The following AUTS2 variants were observed in gnomAD, a reference collection of about 807,000 sequenced individuals.
AUTS2 encodes the protein activator of transcription and developmental regulator AUTS2.
AUTS2 carries 17 observed loss-of-function variants against 112.4 expected under a neutral mutation model. That is an observed-to-expected ratio of 0.15 (90% CI 0.10 to 0.23). The LOEUF is 0.23. Among genes scored for constraint, AUTS2 ranks in the 10% least tolerant of loss-of-function variants. The probability of loss-of-function intolerance (pLI) is 1.00; values close to 1 mark genes in which losing one functional copy is unlikely to be tolerated. For synonymous variants in AUTS2, 751 were observed against 702.7 expected, an observed-to-expected ratio of 1.07 and a Z score of -1.09; for missense variants, 1,510 against 1,701.6, an observed-to-expected ratio of 0.89 and a Z score of 1.98.
chr7:70,765,416 C>T (rs976762776), intron 8 of AUTS2, among the ~76,000 whole-genome samples: 5 of 152,110 alleles, frequency 3.3e-5, no homozygotes, highest in Admixed American at 1.3e-4. Context: ...TTTCATTGGG[C>T]AGGGCAGGGC....
intron 2 of AUTS2, among the ~76,000 whole-genome samples, chr7:70,066,169 TA>T (rs1802482096): frequency 6.6e-6 from 1 of 152,210 alleles, no homozygotes; most frequent in African/African-American, 2.4e-5. Flanking sequence ...TTGAAAATCA[TA>T]TGTGCAATAT....
intron 1 of AUTS2, among the ~76,000 whole-genome samples, chr7:69,874,054 G>A (rs1381807855): frequency 1.3e-5 from 2 of 152,180 alleles, no homozygotes; most frequent in African/African-American, 2.4e-5. Flanking sequence ...GCCTGGGTGG[G>A]CTAGGGAAGA....
intron 2 of AUTS2, among the ~76,000 whole-genome samples, chr7:69,929,048 T>C (rs1209219223): frequency 6.6e-6 from 1 of 152,216 alleles, no homozygotes; most frequent in Non-Finnish European, 1.5e-5. Flanking sequence ...CATTTCTTAC[T>C]GAGAGAATTT....
chr7:70,497,424 G>A (rs1481571035), intron 5 of AUTS2, among the ~76,000 whole-genome samples: 1 of 152,244 alleles, frequency 6.6e-6, no homozygotes, highest in Non-Finnish European at 1.5e-5. Context: ...AACAGAAGAG[G>A]TCATGATGGA....
intron 2 of AUTS2, among the ~76,000 whole-genome samples, chr7:69,945,642 A>G (rs2129545389): frequency 6.6e-6 from 1 of 151,294 alleles, no homozygotes; most frequent in African/African-American, 2.4e-5. Flanking sequence ...TTTTTTGGTG[A>G]TGGGAACACT....
intron 4 of AUTS2, among the ~76,000 whole-genome samples, chr7:70,183,271 T>C (rs1562770494): frequency 6.6e-6 from 1 of 152,180 alleles, no homozygotes; most frequent in Non-Finnish European, 1.5e-5. Context: ...GATTTTACAC[T>C]GGGATTGGAG....
intron 4 of AUTS2, among the ~76,000 whole-genome samples, chr7:70,143,966 C>A (rs1220219487): frequency 2.0e-5 from 3 of 151,950 alleles, no homozygotes. Flanking sequence ...TTGCCCAGAC[C>A]AACAAATGAC....
chr7:70,475,376 C>T (rs1243441770), intron 5 of AUTS2, among the ~76,000 whole-genome samples: 1 of 152,174 alleles, frequency 6.6e-6, no homozygotes, highest in Non-Finnish European at 1.5e-5. Flanking sequence ...CTTTCCATTA[C>T]ATCAGGGCCT....
intron 2 of AUTS2, among the ~76,000 whole-genome samples, chr7:70,087,608 A>C (rs1803679218): frequency 6.6e-6 from 1 of 151,938 alleles, no homozygotes. Flanking sequence ...TGATCTTGTG[A>C]TCTACCCACC....
intron 1 of AUTS2, among the ~76,000 whole-genome samples, chr7:69,681,432 A>G: frequency 6.6e-6 from 1 of 152,202 alleles, no homozygotes; most frequent in East Asian, 1.9e-4. Flanking sequence ...GAGTGGCTAC[A>G]TACAGAACAG....
chr7:70,446,782 T>C (rs1225491183), intron 5 of AUTS2, among the ~76,000 whole-genome samples: 1 of 152,150 alleles, frequency 6.6e-6, no homozygotes, highest in Non-Finnish European at 1.5e-5. Flanking sequence ...CCAAGGGCCC[T>C]GACTTCCTGC....
intron 1 of AUTS2, among the ~76,000 whole-genome samples, chr7:69,841,062 A>G (rs1331740160): frequency 2.0e-5 from 3 of 152,180 alleles, no homozygotes; most frequent in African/African-American, 7.2e-5. Context: ...TTAGCATCAC[A>G]GTGGTAGGAT....
At position 70,766,310 on chromosome 7, in the gene AUTS2, C is replaced by T; in HGVS notation, c.1665C>T (p.Ile555=). Residue 555 remains isoleucine, a synonymous_variant, in exon 9 of 19, where the codon ATC becomes ATT. Transcript: ENST00000342771. The surrounding 1 kb of genome is among the most constrained non-coding windows in gnomAD (Gnocchi z 4.8). ...CCCACGCCATCCCACCCACCGCCAT[C>T]ATGCCGACGCCAGCACCTCCCATGG... The part of the protein sequence containing the change: ...PFPHAIPPTA[I]MPTPAPPMFD... 2 of 1,614,144 alleles carry T rather than the reference C, an allele frequency of 1.2e-6. No individual in the cohort carries two copies. The highest frequency in any genetic ancestry group is 8.5e-7 in the Non-Finnish European group (1 of 1,180,034).
intron 4 of AUTS2, among the ~76,000 whole-genome samples, chr7:70,434,577 A>G (rs997903772): frequency 3.9e-5 from 6 of 152,082 alleles, no homozygotes; most frequent in Non-Finnish European, 8.8e-5. Flanking sequence ...GCCTTCCTAA[A>G]CCATGGCACC....
chr7:70,287,490 G>A (rs935949891), intron 4 of AUTS2, among the ~76,000 whole-genome samples: 1 of 152,128 alleles, frequency 6.6e-6, no homozygotes, highest in Non-Finnish European at 1.5e-5. Context: ...AAATTATAGG[G>A]ACTAATGAAA....
intron 4 of AUTS2, among the ~76,000 whole-genome samples, chr7:70,262,225 T>C (rs1787202558): frequency 6.6e-6 from 1 of 152,188 alleles, no homozygotes; most frequent in Admixed American, 6.5e-5. Context: ...AGTCTCGCTC[T>C]GTCACCCAGG....
intron 1 of AUTS2, among the ~76,000 whole-genome samples, chr7:69,858,640 G>C (rs1029859170): frequency 6.6e-6 from 1 of 152,190 alleles, no homozygotes; most frequent in African/African-American, 2.4e-5. Flanking sequence ...TCTGTCCCAT[G>C]TGATGCTTTG....
At chr7:70,371,819 C>G (rs984653184) in intron 4 of AUTS2, among the ~76,000 whole-genome samples, 5 of 152,114 alleles carry the variant, frequency 3.3e-5, no homozygotes, top group African/African-American at 1.2e-4. Flanking sequence ...GATTTGAACA[C>G]GTGCCATTTC....
At chr7:69,665,492 A>G (rs1227927501) in intron 1 of AUTS2, among the ~76,000 whole-genome samples, 1 of 152,166 alleles carries the variant, frequency 6.6e-6, no homozygotes, top group Non-Finnish European at 1.5e-5. Context: ...GCAAAACTGA[A>G]CCACAGAAGT....
Sources: gnomAD v4.1 joint callset for allele counts (sites outside exome capture counted in the v4.1 genomes callset) on GRCh38, gnomAD v4.1.1 for gene constraint, Gnocchi (gnomAD v3.1) non-coding constraint, MANE v1.5 for transcripts, NCBI Gene and HGNC (gene_info 2026-07-23, HGNC 2026-07-21) for gene names.